CNTN5: variants seen among roughly 807,000 people sequenced by gnomAD.
CNTN5 encodes contactin 5.
A neutral mutation model predicts 129.1 loss-of-function variants in CNTN5; 77 were observed. That is an observed-to-expected ratio of 0.60 (90% confidence interval 0.50 to 0.72). CNTN5 has a LOEUF of 0.72. Among genes scored for constraint, CNTN5 ranks in the 30% least tolerant of loss-of-function variants. The pLI is 0.00. For missense variants in CNTN5, 1,478 were observed against 1,328.8 expected (o/e 1.11, Z -1.75); for synonymous variants, 509 against 465.6 (o/e 1.09, Z -1.20).
chr11:99,114,619 G>T (rs1857954888), intron 1 of CNTN5, among the ~76,000 whole-genome samples: 1 of 151,604 alleles, frequency 6.6e-6, no homozygotes, highest in African/African-American at 2.4e-5. Flanking sequence ...CGAATTAAAG[G>T]CATATCCATT....
intron 2 of CNTN5, among the ~76,000 whole-genome samples, chr11:99,334,152 TC>T: frequency 8.3e-6 from 1 of 119,856 alleles, no homozygotes; most frequent in Non-Finnish European, 1.8e-5. Context: ...AGACTCTCAC[TC>T]ACAAATACAC....
At chr11:100,149,199 T>A (rs758102639) in intron 13 of CNTN5, among the ~76,000 whole-genome samples, 1 of 152,032 alleles carries the variant, frequency 6.6e-6, no homozygotes, top group Non-Finnish European at 1.5e-5. Context: ...CTAAACTAAT[T>A]TCATTCATTT....
At chr11:99,752,704 T>C (rs573061948) in intron 3 of CNTN5, among the ~76,000 whole-genome samples, 2 of 152,330 alleles carry the variant, frequency 1.3e-5, no homozygotes, top group South Asian at 4.1e-4. Flanking sequence ...TCTGATTTCA[T>C]AATTAACCTC....
At chr11:100,256,550 A>G (rs532064589) in intron 17 of CNTN5, among the ~76,000 whole-genome samples, 2 of 152,198 alleles carry the variant, frequency 1.3e-5, no homozygotes, top group East Asian at 3.9e-4. Flanking sequence ...GCAGTTCCCA[A>G]TGAGATCAAC....
intron 15 of CNTN5, among the ~76,000 whole-genome samples, chr11:100,193,996 GATAAA>G (rs1948570118): frequency 6.6e-6 from 1 of 151,826 alleles, no homozygotes. Context: ...CAGTAATTAT[GATAAA>G]ATAAATAAAT....
intron 13 of CNTN5, among the ~76,000 whole-genome samples, chr11:100,126,391 C>T (rs1946184111): frequency 6.6e-6 from 1 of 152,012 alleles, no homozygotes. Flanking sequence ...GTCAGTTGGT[C>T]CCCCTCTACT....
intron 9 of CNTN5, among the ~76,000 whole-genome samples, chr11:100,059,794 G>A (rs887178670): frequency 6.6e-6 from 1 of 152,148 alleles, no homozygotes; most frequent in East Asian, 1.9e-4. Flanking sequence ...TTATTAAAAT[G>A]GAAAATGTGC....
rs1945080779 is a variant in CNTN5, at chr11:99,775,156, C to G, written c.56-44388C>G. ...TTTTTACTCTGCCATGGGCGTGATG[C>G]TTAGCCATAAAAAGATTTACCTTTG... is the stretch of plus-strand genomic sequence containing the variant. On this transcript the variant is annotated intron_variant, in intron 3 of 24. Transcript: ENST00000524871. 2.0e-5 allele frequency among the ~76,000 whole-genome samples: 3 copies of G among 152,038 alleles called. 1 individual carries two copies. In the South Asian group the frequency reaches 6.2e-4, roughly 31 times the overall value.
In CNTN5 at chr11:99,472,009, T is replaced by A. The variant is rs183762428; in HGVS notation, c.-70-84136T>A. 7.7e-4 allele frequency among the ~76,000 whole-genome samples: 117 copies of A among 152,252 alleles called. 1 individual carries two copies. The highest frequency in any genetic ancestry group is 6.6e-3 in the Admixed American group (101 of 15,286). ...TGTATATTATCTGCTTAAAATTTAA[T>A]CATAACCAAGGAATAAAATAGTAGT... On this transcript the variant is annotated intron_variant, in intron 2 of 24. Coordinates refer to ENST00000524871, the MANE Select transcript of CNTN5 (RefSeq NM_014361.4).
chr11:100,291,751 TAATAAATAAATA>T (rs201648211), intron 18 of CNTN5, among the ~76,000 whole-genome samples: 40,927 of 123,446 alleles, frequency 0.33, 6,949 homozygotes, highest in East Asian at 0.64. Context: ...TAAAGTATAA[TAATAAATAAATA>T]AATAAATAAA....
chr11:99,324,645 A>T (rs1865706045), intron 1 of CNTN5, among the ~76,000 whole-genome samples: 1 of 152,202 alleles, frequency 6.6e-6, no homozygotes, highest in Admixed American at 6.6e-5. Flanking sequence ...GAACTTCATT[A>T]GAAATAAAGA....
In CNTN5 at chr11:99,222,262, A is replaced by G. The variant is rs374706002; in HGVS notation, c.-209-103084A>G. Reference sequence around the variant, plus strand: ...TCGATACAAACATGAAAATTGTGCAATAAAACATAAGAAAATGTTTATACA... The same window carrying G: ...TCGATACAAACATGAAAATTGTGCAGTAAAACATAAGAAAATGTTTATACA... On this transcript the variant is annotated intron_variant, in intron 1 of 24. Transcript: ENST00000524871. 4.1e-4 allele frequency among the ~76,000 whole-genome samples: 63 copies of G among 152,056 alleles called. 2 individuals are homozygous for G. The South Asian group carries it at 0.012, about 29-fold the overall frequency.
At position 100,340,527 on chromosome 11, in the gene CNTN5, AG is replaced by A; in HGVS notation, c.2796del (p.Glu932AspfsTer6). ...TAETVKTRGNESFVILTGLEG... is the reference protein window; with the variant it reads ...TAETVKTRGNXSFVILTGLEG... ...GAAACAGTCAAAACTAGAGGGAATG[AG>A]TCTTTCGTCATCCTAACAGGATTAG... On this transcript the variant is annotated frameshift_variant, in exon 22 of 25. Coordinates refer to ENST00000524871, the MANE Select transcript of CNTN5 (RefSeq NM_014361.4). LOFTEE classifies it high-confidence loss of function. 1 of 1,613,208 alleles carries A rather than the reference AG, an allele frequency of 6.2e-7. No homozygotes were observed. Among genetic ancestry groups the A allele is most frequent in the East Asian group, 2.2e-5 (1 of 44,844 alleles).
At chr11:99,256,441 A>G (rs1412739101) in intron 1 of CNTN5, among the ~76,000 whole-genome samples, 2 of 152,076 alleles carry the variant, frequency 1.3e-5, no homozygotes, top group African/African-American at 4.8e-5. Context: ...AGTTGAATTC[A>G]GCATTTTATA....
chr11:99,473,492 A>T (rs2135283063), intron 2 of CNTN5, among the ~76,000 whole-genome samples: 1 of 152,266 alleles, frequency 6.6e-6, no homozygotes, highest in South Asian at 2.1e-4. Context: ...TGCATTTGAA[A>T]TATAGTGTAT....
chr11:99,555,846 A>G (rs968050695), intron 2 of CNTN5, among the ~76,000 whole-genome samples: 1 of 151,896 alleles, frequency 6.6e-6, no homozygotes, highest in African/African-American at 2.4e-5. Flanking sequence ...GCTATTACAC[A>G]TTCCCTGTGA....
intron 6 of CNTN5, among the ~76,000 whole-genome samples, chr11:99,863,174 A>G (rs1948259993): frequency 6.6e-6 from 1 of 152,152 alleles, no homozygotes; most frequent in South Asian, 2.1e-4. Flanking sequence ...TAAAATAGAA[A>G]ATACGTGAGT....
intron 21 of CNTN5, among the ~76,000 whole-genome samples, chr11:100,316,339 G>A (rs558474670): frequency 1.3e-5 from 2 of 152,246 alleles, no homozygotes; most frequent in East Asian, 1.9e-4. Flanking sequence ...CAATGGGAAT[G>A]TACATATAAA....
intron 1 of CNTN5, among the ~76,000 whole-genome samples, chr11:99,149,296 TC>T (rs1565356769): frequency 6.6e-6 from 1 of 151,542 alleles, no homozygotes. Flanking sequence ...GAAAAAGACT[TC>T]TGAAAAAAGA....
Sources: allele counts gnomAD v4.1 joint callset (sites outside exome capture counted in the v4.1 genomes callset), GRCh38; gene constraint gnomAD v4.1.1; transcripts MANE v1.5; gene names NCBI Gene and HGNC (gene_info 2026-07-23, HGNC 2026-07-21).